The following VWA8 variants were observed in gnomAD, a reference collection of about 807,000 sequenced individuals.
The protein encoded by VWA8 is von Willebrand factor A domain-containing protein 8.
VWA8 carries 221 observed loss-of-function variants against 241.5 expected under a neutral mutation model. That is an observed-to-expected ratio of 0.91 (90% confidence interval 0.82 to 1.02). The LOEUF (loss-of-function observed/expected upper bound fraction) is 1.02, where lower values mean the gene tolerates loss of function less well. Among genes scored for constraint, VWA8 ranks in the 50% least tolerant of loss-of-function variants. The pLI, the probability that VWA8 is intolerant of heterozygous loss-of-function variation, is 0.00. For missense variants in VWA8, 2,322 were observed against 2,328.7 expected (o/e 1.00, Z 0.06); for synonymous variants, 852 against 827.1 (o/e 1.03, Z -0.52).
chr13:41,916,348 C>T (rs1283124592), intron 2 of VWA8, among the ~76,000 whole-genome samples: 2 of 152,154 alleles, frequency 1.3e-5, no homozygotes, highest in African/African-American at 4.8e-5. Context: ...GTTCTACAGT[C>T]CCTCCAAAAG....
At chr13:41,688,124 C>T (rs9594609) in intron 34 of VWA8, among the ~76,000 whole-genome samples, 5,272 of 152,016 alleles carry the variant, frequency 0.035, 301 homozygotes, top group African/African-American at 0.12. Context: ...ATTTCAATAA[C>T]GTTTCATTTT....
intron 17 of VWA8, among the ~76,000 whole-genome samples, chr13:41,790,932 A>C (rs1367459726): frequency 6.6e-6 from 1 of 151,942 alleles, no homozygotes; most frequent in Non-Finnish European, 1.5e-5. Context: ...TTTAAAAATT[A>C]CATTAACAAA....
Position 41,729,812 on chromosome 13 carries a change from C to T in VWA8, c.2503-135G>A, listed in dbSNP as rs1316696766. The stretch of plus-strand genomic sequence containing the variant: ...GTATACACGTAGACACACACACACA[C>T]ACACACACACACACACACACACACA... On this transcript the variant is annotated intron_variant, in intron 22 of 44. Coordinates refer to ENST00000379310, the MANE Select transcript of VWA8 (RefSeq NM_015058.2). The T allele has an allele frequency of 8.7e-3, 4,371 of 503,442 alleles. 85 individuals carry two copies. Among genetic ancestry groups the T allele is most frequent in the East Asian group, 0.018 (493 of 26,658 alleles). 31.2% of individuals were successfully genotyped at this position (503,442 alleles called of 1,614,324 possible).
chr13:41,690,212 A>G lies in VWA8; in HGVS notation c.3930T>C (p.Tyr1310=). Residue 1310 remains tyrosine (Y), a synonymous_variant, in exon 33 of 45, where the codon TAT becomes TAC. Coordinates refer to ENST00000379310, the MANE Select transcript of VWA8 (RefSeq NM_015058.2). ...ESEGSGVCQL[Y]VLKEEPPSTG... Reference sequence around the variant, plus strand: ...TGCTGGGCGGCTCCTCTTTCAGCACATACAACTGGCAAACCCCACTACCCT... The same window carrying G: ...TGCTGGGCGGCTCCTCTTTCAGCACGTACAACTGGCAAACCCCACTACCCT... The G allele has an allele frequency of 1.2e-6, 2 of 1,612,806 alleles. No homozygotes were observed. Among genetic ancestry groups the G allele is most frequent in the Non-Finnish European group, 1.7e-6 (2 of 1,179,094 alleles).
intron 12 of VWA8, among the ~76,000 whole-genome samples, chr13:41,838,517 A>T (rs988486245): frequency 6.6e-6 from 1 of 152,164 alleles, no homozygotes; most frequent in Admixed American, 6.5e-5. Flanking sequence ...AACCAGGTTT[A>T]AAAAATACGC....
At chr13:41,587,286 T>G (rs1305404406) in intron 42 of VWA8, among the ~76,000 whole-genome samples, 1 of 152,202 alleles carries the variant, frequency 6.6e-6, no homozygotes, top group African/African-American at 2.4e-5. Context: ...CTCATTTTTT[T>G]CTAACATCAT....
chr13:41,650,043 CTAAATTTTAAAGTTAATT>C (rs2044859679), intron 37 of VWA8, among the ~76,000 whole-genome samples: 2 of 152,132 alleles, frequency 1.3e-5, no homozygotes, highest in Non-Finnish European at 1.5e-5. Flanking sequence ...AACAAGTTTT[CTAAATTTTAAAGTTAATT>C]CGGTAGCTCT....
chr13:41,744,660 G>C (rs970089847), intron 21 of VWA8, among the ~76,000 whole-genome samples: 1 of 152,042 alleles, frequency 6.6e-6, no homozygotes, highest in Non-Finnish European at 1.5e-5. Flanking sequence ...AGGTATCTTC[G>C]TCACTCTGTC....
intron 37 of VWA8, among the ~76,000 whole-genome samples, chr13:41,638,550 A>T (rs1439324462): frequency 6.6e-6 from 1 of 152,142 alleles, no homozygotes; most frequent in Non-Finnish European, 1.5e-5. Context: ...GTTTCAATGA[A>T]GAGGGAACAT....
chr13:41,827,516 T>C (rs912333990), intron 14 of VWA8, among the ~76,000 whole-genome samples: 6 of 152,208 alleles, frequency 3.9e-5, no homozygotes, highest in Non-Finnish European at 5.9e-5. Context: ...AACTGATCAA[T>C]CTATGACAGG....
intron 21 of VWA8, among the ~76,000 whole-genome samples, chr13:41,742,088 AAG>A (rs2045573353): frequency 6.6e-6 from 1 of 152,184 alleles, no homozygotes; most frequent in African/African-American, 2.4e-5. Context: ...AGTCACATGG[AAG>A]GATGTAGAGC....
At chr13:41,655,565 T>C (rs945943360) in intron 37 of VWA8, among the ~76,000 whole-genome samples, 1 of 152,158 alleles carries the variant, frequency 6.6e-6, no homozygotes, top group African/African-American at 2.4e-5. Flanking sequence ...AAAAAATGGT[T>C]ACATTATATC....
intron 30 of VWA8, 152 bp downstream of exon 30, chr13:41,692,710 T>C: frequency 5.5e-6 from 3 of 545,822 alleles, no homozygotes; most frequent in Middle Eastern, 2.8e-4. Context: ...TGGTTATATA[T>C]ATCATGTTAA....
chr13:41,652,284 A>T (rs1281947598), intron 37 of VWA8, among the ~76,000 whole-genome samples: 2 of 152,224 alleles, frequency 1.3e-5, no homozygotes, highest in Non-Finnish European at 2.9e-5. Context: ...GGGAAGCCAC[A>T]TGGGGAAGAG....
chr13:41,812,560 C>T (rs1191800077), intron 16 of VWA8, among the ~76,000 whole-genome samples: 1 of 152,084 alleles, frequency 6.6e-6, no homozygotes, highest in Non-Finnish European at 1.5e-5. Context: ...AGACACACTG[C>T]ACATTTGCTT....
chr13:41,826,710 AT>A (rs1871183001), intron 14 of VWA8, among the ~76,000 whole-genome samples: 1 of 152,030 alleles, frequency 6.6e-6, no homozygotes. Context: ...CCAAAAAAAA[AT>A]GGGAAAAACA....
chr13:41,774,377 AAC>A, intron 20 of VWA8, among the ~76,000 whole-genome samples: 1 of 152,324 alleles, frequency 6.6e-6, no homozygotes, highest in African/African-American at 2.4e-5. Flanking sequence ...TCCTGGCCTC[AAC>A]TGATCCACTC....
intron 9 of VWA8, among the ~76,000 whole-genome samples, chr13:41,878,129 A>G (rs527938352): frequency 6.6e-6 from 1 of 152,192 alleles, no homozygotes; most frequent in African/African-American, 2.4e-5. Context: ...GAGAAAAAAT[A>G]ATTATCATTT....
chr13:41,719,644 G>A lies in VWA8; in HGVS notation c.3063C>T (p.His1021=), dbSNP rs745764773. ...TTGCTCCGATAGGTATCCCGTATTTGTGTAAAGTGTTAATCAATATCTCCC... is the reference window on the plus strand; with the variant it reads ...TTGCTCCGATAGGTATCCCGTATTTATGTAAAGTGTTAATCAATATCTCCC... ...DMREILINTL[H]KYGIPIGAKP... Residue 1021 remains histidine (H), a synonymous_variant, in exon 26 of 45, where the codon CAC becomes CAT. Transcript: ENST00000379310. 3.1e-6 allele frequency: 5 copies of A among 1,613,176 alleles called. No individual in the cohort carries two copies. Among genetic ancestry groups the A allele is most frequent in the Non-Finnish European group, 3.4e-6 (4 of 1,179,432 alleles).
Sources: gnomAD v4.1 joint callset for allele counts (sites outside exome capture counted in the v4.1 genomes callset) on GRCh38, gnomAD v4.1.1 for gene constraint, MANE v1.5 for transcripts, NCBI Gene and HGNC (gene_info 2026-07-23, HGNC 2026-07-21) for gene names.